Variants in FBN2 observed in about 807,000 individuals in gnomAD.
FBN2 encodes the protein fibrillin 2.
FBN2 carries 105 observed loss-of-function variants against 355.6 expected under a neutral mutation model. That is an observed-to-expected ratio of 0.30 (90% CI 0.25 to 0.35). The LOEUF is 0.35. Among genes scored for constraint, FBN2 ranks in the 10% least tolerant of loss-of-function variants. The pLI, the probability that FBN2 is intolerant of heterozygous loss-of-function variation, is 1.00. For synonymous variants in FBN2, 1,350 were observed against 1,301.2 expected, an observed-to-expected ratio of 1.04 and a Z score of -0.81; for missense variants, 3,280 against 3,758.7, an observed-to-expected ratio of 0.87 and a Z score of 3.33.
chr5:128,424,501 T>G lies in FBN2; in HGVS notation c.953-15702A>C, dbSNP rs77073982. On this transcript the variant is annotated intron_variant, in intron 7 of 64. Transcript: ENST00000262464. The stretch of plus-strand genomic sequence containing the variant: ...AAGGGTTATGCAGAGGATGAAAGCC[T>G]GTGGTCTGTCACATTATATCATTAT... Among the ~76,000 whole-genome samples the G allele has an allele frequency of 7.4e-3, 1,124 of 152,314 alleles. 14 individuals carry two copies. The highest frequency in any genetic ancestry group is 0.025 in the African/African-American group (1,058 of 41,568).
chr5:128,293,873 C>T (rs899182407), intron 48 of FBN2, among the ~76,000 whole-genome samples: 2 of 151,810 alleles, frequency 1.3e-5, no homozygotes, highest in Non-Finnish European at 2.9e-5. Context: ...TTTTAGGGTA[C>T]ATGTGCACAA....
chr5:128,416,451 T>C (rs936257273), intron 7 of FBN2, among the ~76,000 whole-genome samples: 6 of 152,234 alleles, frequency 3.9e-5, no homozygotes, highest in Non-Finnish European at 8.8e-5. Flanking sequence ...TTTTGTTGCC[T>C]GTGCTTTTGA....
intron 26 of FBN2, among the ~76,000 whole-genome samples, chr5:128,338,530 T>G (rs556513962): frequency 6.7e-4 from 102 of 152,172 alleles, no homozygotes; most frequent in Non-Finnish European, 1.2e-3. Context: ...AATTAAACAG[T>G]GGGCTAAAAG....
chr5:128,311,311 C>A lies in FBN2; in HGVS notation c.5063G>T (p.Arg1688Leu). 1 of 1,614,058 alleles carries A rather than the reference C, an allele frequency of 6.2e-7. No homozygotes were observed. The highest frequency in any genetic ancestry group is 8.5e-7 in the Non-Finnish European group (1 of 1,179,988). Residue 1688 changes from arginine (R) to leucine (L), a missense_variant, in exon 39 of 65, where the codon CGC (arginine) becomes CTC (leucine). Transcript: ENST00000262464. The stretch of plus-strand genomic sequence containing the variant: ...CAAATTCATCTCACCTTCACAGATG[C>A]GGGTATCCTCGCTGAGGTAGTAGCC... Reference protein sequence around the residue: ...PQGYYLSEDTRICEDIDECFA... With the variant: ...PQGYYLSEDTLICEDIDECFA...
At chr5:128,482,531 T>C (rs1156648193) in intron 5 of FBN2, among the ~76,000 whole-genome samples, 1 of 152,212 alleles carries the variant, frequency 6.6e-6, no homozygotes, top group Admixed American at 6.5e-5. Flanking sequence ...TGACACATTA[T>C]TCGCAATACG....
At position 128,537,484 on chromosome 5, in the gene FBN2, G is replaced by A. The variant is rs1756887072; in HGVS notation, c.120C>T (p.Pro40=). The change falls in exon 1 of 65, where the codon CCC becomes CCT. Residue 40 remains proline, a synonymous_variant. Coordinates refer to ENST00000262464, the MANE Select transcript of FBN2 (RefSeq NM_001999.4). ...ACCGAACCTGTTGCGGCGGCGGCTG[G>A]GGCCGGGGCGGCTTGGGCGGAGGAG... is the stretch of plus-strand genomic sequence containing the variant. The part of the protein sequence containing the change: ...PQPPPPKPPR[P]QPPPQQVRSA... 2.5e-6 allele frequency: 4 copies of A among 1,593,084 alleles called. No homozygotes were observed. The highest frequency in any genetic ancestry group is 3.4e-6 in the Non-Finnish European group (4 of 1,172,074).
intron 2 of FBN2, among the ~76,000 whole-genome samples, chr5:128,533,781 T>C (rs1223930833): frequency 6.6e-6 from 1 of 151,802 alleles, no homozygotes; most frequent in East Asian, 1.9e-4. Flanking sequence ...ATTATATTGA[T>C]CAAAATACTG....
At chr5:128,300,418 C>T (rs1304052366) in intron 48 of FBN2, among the ~76,000 whole-genome samples, 1 of 152,192 alleles carries the variant, frequency 6.6e-6, no homozygotes, top group African/African-American at 2.4e-5. Flanking sequence ...AAAAGAATGT[C>T]TCAACAGCAT....
At chr5:128,300,510 A>G (rs1749683059) in intron 48 of FBN2, among the ~76,000 whole-genome samples, 1 of 152,204 alleles carries the variant, frequency 6.6e-6, no homozygotes, top group Admixed American at 6.5e-5. Flanking sequence ...AAAGATTACA[A>G]TTTTTGTAGA....
At chr5:128,305,242 C>T (rs1038829597) in intron 44 of FBN2, among the ~76,000 whole-genome samples, 160 bp from the exon 45 acceptor site, 4 of 152,032 alleles carry the variant, frequency 2.6e-5, no homozygotes, top group African/African-American at 9.7e-5. Context: ...TTCAAAGTAT[C>T]CAACCCTCTT....
At chr5:128,295,320 C>T (rs969807949) in intron 48 of FBN2, among the ~76,000 whole-genome samples, 5 of 152,026 alleles carry the variant, frequency 3.3e-5, no homozygotes, top group Admixed American at 3.3e-4. Flanking sequence ...GTGATGCGGG[C>T]TCTTTTTTGG....
Position 128,395,107 on chromosome 5 carries a change from C to G in FBN2, c.1231+15G>C, listed in dbSNP as rs780059292. 6.2e-7 allele frequency: 1 copy of G among 1,613,942 alleles called. No homozygotes were observed. The highest frequency in any genetic ancestry group is 1.1e-5 in the South Asian group (1 of 91,084). Reference sequence around the variant, plus strand: ...ACAGTGTCTGTGCTGAGGAGACTAACAGCCAGCCACGTACCAGAACCTCTG... The same window carrying G: ...ACAGTGTCTGTGCTGAGGAGACTAAGAGCCAGCCACGTACCAGAACCTCTG... On this transcript the variant is annotated intron_variant, in intron 9 of 64. Coordinates refer to ENST00000262464, the MANE Select transcript of FBN2 (RefSeq NM_001999.4).
intron 8 of FBN2, among the ~76,000 whole-genome samples, chr5:128,403,790 T>G: frequency 6.6e-6 from 1 of 151,912 alleles, no homozygotes; most frequent in East Asian, 1.9e-4. Flanking sequence ...TTAAACACAC[T>G]AGATAGATAA....
intron 7 of FBN2, chr5:128,442,192 C>A: frequency 2.6e-6 from 1 of 390,200 alleles, no homozygotes; most frequent in Non-Finnish European, 5.0e-6. Context: ...AAATTGCAAA[C>A]AACTATCTGC....
At position 128,537,506 on chromosome 5, in the gene FBN2, G is replaced by A. The variant is rs943309521; in HGVS notation, c.98C>T (p.Pro33Leu). Residue 33 changes from proline to leucine, a missense_variant, in exon 1 of 65, where the codon CCT becomes CTT. By Grantham distance (98) the Pro-to-Leu change is moderately conservative (BLOSUM62 -3). Around this residue, in one of 6 missense-constraint regions of FBN2, gnomAD observed 203 missense variants for 142.2 expected, o/e 1.43. Coordinates refer to ENST00000262464, the MANE Select transcript of FBN2 (RefSeq NM_001999.4). ...CTGGGGCCGGGGCGGCTTGGGCGGA[G>A]GAGGCTGAGGCTGGCCGGCCGTGCC... The part of the protein sequence containing the change: ...AQGTAGQPQP[P>L]PPKPPRPQPP... 1.3e-6 allele frequency: 2 copies of A among 1,579,958 alleles called. No homozygotes were observed. Among genetic ancestry groups the A allele is most frequent in the African/African-American group, 1.3e-5 (1 of 74,450 alleles).
intron 5 of FBN2, among the ~76,000 whole-genome samples, chr5:128,500,260 A>AACG (rs1411631029): frequency 6.6e-6 from 1 of 150,964 alleles, no homozygotes; most frequent in African/African-American, 2.4e-5. Context: ...CAACAACAAC[A>AACG]AAGGTCAAAT....
chr5:128,278,841 T>C lies in FBN2; in HGVS notation c.7139A>G (p.Asp2380Gly), dbSNP rs1765463264. 6.2e-7 allele frequency: 1 copy of C among 1,612,754 alleles called. No individual in the cohort carries two copies. The highest frequency in any genetic ancestry group is 8.5e-7 in the Non-Finnish European group (1 of 1,179,394). The change falls in exon 57 of 65, where the codon GAC (aspartate) becomes GGC (glycine). Residue 2380 changes from aspartate to glycine, a missense_variant and splice_region_variant. Physicochemically the swap from Asp to Gly is moderately conservative, Grantham distance 94. This residue lies in a region of FBN2 where 2,284 missense variants were observed against 2,749.5 expected (regional missense o/e 0.83). Coordinates refer to ENST00000262464, the MANE Select transcript of FBN2 (RefSeq NM_001999.4). ...QSSSSGTECLDNRQGLCFAEV... is the reference protein window; with the variant it reads ...QSSSSGTECLGNRQGLCFAEV... The stretch of plus-strand genomic sequence containing the variant: ...TGCAAAGCAGAGACCCTGTCGATTG[T>C]CTGAAATGGCAAAGTAGAAAGAGTT...
At position 128,393,214 on chromosome 5, in the gene FBN2, A is replaced by C; in HGVS notation, c.1386T>G (p.Pro462=). 5 of 1,614,184 alleles carry C rather than the reference A, an allele frequency of 3.1e-6. No individual in the cohort carries two copies. The highest frequency in any genetic ancestry group is 4.2e-6 in the Non-Finnish European group (5 of 1,180,016). ...CGCCAGGAGAAAAGCCATTGCCTCC[A>C]GGGATGGGGATGAAGCCTGTCCCTC... ...GPGGTGFIPI[P]GGNGFSPGVG... The change falls in exon 10 of 65, where the codon CCT becomes CCG. Residue 462 remains proline, a synonymous_variant. Coordinates refer to ENST00000262464, the MANE Select transcript of FBN2 (RefSeq NM_001999.4).
At chr5:128,411,773 G>A (rs748053815) in intron 7 of FBN2, among the ~76,000 whole-genome samples, 1 of 152,324 alleles carries the variant, frequency 6.6e-6, no homozygotes, top group African/African-American at 2.4e-5. Context: ...CCTCGCCAGG[G>A]ACCCCCACCC....
Sources: allele counts gnomAD v4.1 joint callset (sites outside exome capture counted in the v4.1 genomes callset), GRCh38; gene constraint gnomAD v4.1.1; regional missense constraint gnomAD v4.1.1; transcripts MANE v1.5; gene names NCBI Gene and HGNC (gene_info 2026-07-23, HGNC 2026-07-21).